The following PMPCB variants were observed in gnomAD, a reference collection of about 807,000 sequenced individuals.
PMPCB encodes the protein mitochondrial-processing peptidase subunit beta.
In PMPCB, 46 loss-of-function variants were observed where a neutral mutation model predicts 61.5. That is an observed-to-expected ratio of 0.75 (90% confidence interval 0.59 to 0.96). The LOEUF is 0.96. Among genes scored for constraint, PMPCB ranks in the 40% least tolerant of loss-of-function variants. The pLI, the probability that PMPCB is intolerant of heterozygous loss-of-function variation, is 0.00. For synonymous variants in PMPCB, 191 were observed against 201.6 expected, an observed-to-expected ratio of 0.95 and a Z score of 0.44; for missense variants, 590 against 602.4, an observed-to-expected ratio of 0.98 and a Z score of 0.22.
chr7:103,312,173 G>A, intron 12 of PMPCB, 34 bp from the exon 13 acceptor site: 1 of 1,613,994 alleles, frequency 6.2e-7, no homozygotes, highest in Non-Finnish European at 8.5e-7. Context: ...AGTTGGCCAA[G>A]TACTTTTAAT....
chr7:103,342,798 C>T, the PMPCB span, among the ~76,000 whole-genome samples: 8 of 151,152 alleles, frequency 5.3e-5, no homozygotes, highest in Non-Finnish European at 8.8e-5. Context: ...TTAGTAAAGA[C>T]GGGGTTTCAC....
At position 103,309,087 on chromosome 7, in the gene PMPCB, G is replaced by C; in HGVS notation, c.985G>C (p.Gly329Arg). The C allele has an allele frequency of 6.3e-7, 1 of 1,596,424 alleles. No individual in the cohort carries two copies. The highest frequency in any genetic ancestry group is 1.4e-5 in the African/African-American group (1 of 74,020). Residue 329 changes from glycine to arginine, a missense_variant, in exon 8 of 13, where the codon GGA (glycine) becomes CGA (arginine). Coordinates refer to ENST00000249269, the MANE Select transcript of PMPCB (RefSeq NM_004279.3). The part of the protein sequence containing the change: ...LIGNWDRSFG[G>R]GMNLSSKLAQ... ...TGGCAACTGGGATCGCTCTTTTGGG[G>C]GAGGAATGGTAAGTGATTTTAAAAG...
the PMPCB span, among the ~76,000 whole-genome samples, chr7:103,343,496 A>G: frequency 1.3e-5 from 2 of 152,248 alleles, no homozygotes; most frequent in Non-Finnish European, 2.9e-5. Context: ...GACAGTGGCT[A>G]TGTGACCTGA....
chr7:103,329,573 T>A (rs906197731), downstream of PMPCB: 4 of 152,188 alleles, frequency 2.6e-5, no homozygotes, highest in Admixed American at 6.5e-5. Flanking sequence ...ACTGAAAAAA[T>A]TTTTTAATCT....
rs1182408226 is a variant in PMPCB, at chr7:103,304,367, T to G, written c.657-44T>G. 9 of 1,120,996 alleles carry G rather than the reference T, an allele frequency of 8.0e-6. 3 individuals are homozygous for G. In the Admixed American group the frequency reaches 1.6e-4, roughly 20 times the overall value. The allele number at this position is 1,120,996 out of a possible 1,614,324, so 69.4% of individuals were successfully genotyped here. A position where few individuals can be genotyped will look rare whatever the true frequency, so the allele number is the denominator to read the frequency against. ...TCAGGTATATTATGTGAAGATCTGT[T>G]TTTTTTTTGGTTTCCTTTAAAAATT... On this transcript the variant is annotated intron_variant, in intron 5 of 12. Coordinates refer to ENST00000249269, the MANE Select transcript of PMPCB (RefSeq NM_004279.3).
At chr7:103,305,468 AGGCT>A (rs1219200106) in intron 6 of PMPCB, among the ~76,000 whole-genome samples, 3 of 152,150 alleles carry the variant, frequency 2.0e-5, no homozygotes, top group Non-Finnish European at 4.4e-5. Context: ...TATGTTGCCC[AGGCT>A]GGTTTCAATC....
At chr7:103,304,143 CT>C (rs1157389629) in intron 5 of PMPCB, 103 bp downstream of exon 5, 4 of 941,558 alleles carry the variant, frequency 4.2e-6, no homozygotes, top group South Asian at 3.3e-5. Flanking sequence ...AATTTTCCCC[CT>C]GGTAATCTAA....
chr7:103,304,643 G>A (rs1458908673), intron 6 of PMPCB, among the ~76,000 whole-genome samples, 153 bp downstream of exon 6: 1 of 152,138 alleles, frequency 6.6e-6, no homozygotes, highest in Non-Finnish European at 1.5e-5. Flanking sequence ...ACTGGAATCA[G>A]AATTTCCCTC....
intron 7 of PMPCB, among the ~76,000 whole-genome samples, chr7:103,308,342 C>T (rs1817642107): frequency 6.6e-6 from 1 of 152,198 alleles, no homozygotes; most frequent in African/African-American, 2.4e-5. Context: ...CAGATTGAGG[C>T]CGGGTGCGGT....
chr7:103,324,466 C>T, intron 12 of PMPCB: 1 of 1,466,072 alleles, frequency 6.8e-7, no homozygotes, highest in Non-Finnish European at 9.2e-7. Context: ...ATCATACAAA[C>T]AGTATATTCA....
chr7:103,330,964 A>ATT (rs1040881184), downstream of PMPCB, among the ~76,000 whole-genome samples: 3 of 139,306 alleles, frequency 2.2e-5, no homozygotes, highest in African/African-American at 7.9e-5. Flanking sequence ...AACAAAATCC[A>ATT]TTTTTTTTTT....
In PMPCB at chr7:103,303,954, A is replaced by T; in HGVS notation, c.570A>T (p.Gln190His). The T allele has an allele frequency of 6.2e-7, 1 of 1,613,916 alleles. No homozygotes were observed. The highest frequency in any genetic ancestry group is 2.2e-5 in the East Asian group (1 of 44,864). ...REMQEVETNL[Q>H]EVVFDYLHAT... ...TGCAGGAAGTTGAAACCAATTTACA[A>T]GAAGTTGTTTTTGATTATCTTCATG... Residue 190 changes from glutamine to histidine, a missense_variant, in exon 5 of 13, where the codon CAA becomes CAT. By Grantham distance (24) the Gln-to-His change is conservative (BLOSUM62 0). Transcript: ENST00000249269.
the PMPCB span, among the ~76,000 whole-genome samples, chr7:103,342,485 A>C: frequency 1.0e-2 from 1,504 of 151,074 alleles, 18 homozygotes; most frequent in Non-Finnish European, 0.016. Flanking sequence ...TTGTATTTTT[A>C]GTAGAGATGG....
intron 1 of PMPCB, chr7:103,297,839 C>T: frequency 2.7e-6 from 4 of 1,501,956 alleles, no homozygotes; most frequent in Non-Finnish European, 3.6e-6. Flanking sequence ...AAACGTAGTG[C>T]TTGCAAATTG....
rs145949634 is a variant in PMPCB, at chr7:103,300,276, T to C, written c.426T>C (p.Tyr142=). ...CCTCCAGAGAGCAGACTGTATACTA[T>C]GCCAAAGCATTCTCTAAAGACTTGC... The part of the protein sequence containing the change: ...AYTSREQTVY[Y]AKAFSKDLPR... The change falls in exon 4 of 13, where the codon TAT becomes TAC. Residue 142 remains tyrosine, a synonymous_variant. Transcript: ENST00000249269. 7.0e-5 allele frequency: 112 copies of C among 1,609,220 alleles called. No individual in the cohort carries two copies. The African/African-American group carries it at 1.4e-3, about 21-fold the overall frequency.
At position 103,306,601 on chromosome 7, in the gene PMPCB, A is replaced by G. The variant is rs368427963; in HGVS notation, c.737-995A>G. ...TTCTCCATGTTGATCAGGCTGGTCT[A>G]CCTCTACCTCTGACCTCAGGTGATC... On this transcript the variant is annotated intron_variant, in intron 6 of 12. Transcript: ENST00000249269. 4.6e-5 allele frequency among the ~76,000 whole-genome samples: 7 copies of G among 151,688 alleles called. No homozygotes were observed. In the East Asian group the frequency reaches 1.2e-3, roughly 25 times the overall value.
chr7:103,303,016 T>C (rs1045594286), intron 4 of PMPCB, among the ~76,000 whole-genome samples: 1 of 152,204 alleles, frequency 6.6e-6, no homozygotes, highest in Non-Finnish European at 1.5e-5. Context: ...GGTATGCGCT[T>C]TTTCTGATAA....
At chr7:103,328,379 C>G (rs899022468) in intron 12 of PMPCB, among the ~76,000 whole-genome samples, 1 of 151,746 alleles carries the variant, frequency 6.6e-6, no homozygotes, top group Non-Finnish European at 1.5e-5. Flanking sequence ...GCTTGTAATC[C>G]CAGCACTTTG....
chr7:103,328,642 G>GAAT (rs2115960555), intron 12 of PMPCB, among the ~76,000 whole-genome samples: 1 of 151,950 alleles, frequency 6.6e-6, no homozygotes, highest in African/African-American at 2.4e-5. Context: ...AAAAGAAGAA[G>GAAT]AAGAAAAAAA....
Sources: allele counts gnomAD v4.1 joint callset (sites outside exome capture counted in the v4.1 genomes callset), GRCh38; gene constraint gnomAD v4.1.1; transcripts MANE v1.5; gene names NCBI Gene and HGNC (gene_info 2026-07-23, HGNC 2026-07-21).